IQGAP1: variants seen among roughly 807,000 people sequenced by gnomAD.
The protein encoded by IQGAP1 is ras GTPase-activating-like protein IQGAP1.
A neutral mutation model predicts 215.6 loss-of-function variants in IQGAP1; 66 were observed. The ratio of observed to expected loss-of-function variants is 0.31; its 90% CI spans 0.25 to 0.38. The LOEUF is 0.38. Ranked by LOEUF, IQGAP1 falls within the 10% of genes least tolerant of loss-of-function variation. IQGAP1 has a pLI of 1.00. For missense variants in IQGAP1, 1,712 were observed against 1,997.1 expected (o/e 0.86, Z 2.72); for synonymous variants, 772 against 728.7 (o/e 1.06, Z -0.96).
At chr15:90,464,021 A>G (rs1212316936) in intron 15 of IQGAP1, among the ~76,000 whole-genome samples, 1 of 152,174 alleles carries the variant, frequency 6.6e-6, no homozygotes, top group African/African-American at 2.4e-5. Flanking sequence ...CTTTGCCTCA[A>G]AGCTCAGACC....
Position 90,407,726 on chromosome 15 carries a change from C to G in IQGAP1, c.155+16853C>G, listed in dbSNP as rs1359522394. The stretch of plus-strand genomic sequence containing the variant: ...GATACTATTCCATTGCTCATTTTTT[C>G]TAACATGGCTAAGAAGTTGGGAAAA... On this transcript the variant is annotated intron_variant, in intron 2 of 37. Coordinates refer to ENST00000268182, the MANE Select transcript of IQGAP1 (RefSeq NM_003870.4). 2.0e-5 allele frequency among the ~76,000 whole-genome samples: 3 copies of G among 152,012 alleles called. No individual in the cohort carries two copies. The East Asian group carries it at 5.8e-4, about 29-fold the overall frequency.
At chr15:90,443,354 A>C in intron 8 of IQGAP1, 40 bp from the exon 9 acceptor site, 2 of 1,319,098 alleles carry the variant, frequency 1.5e-6, no homozygotes, top group Non-Finnish European at 2.2e-6. Context: ...CTTCTTAGAC[A>C]CCTTAAGCTA....
rs534006601 is a variant in IQGAP1 at position 90,443,696 on chromosome 15, C to T, written c.913+218C>T. Among the ~76,000 whole-genome samples, 15 of 152,296 alleles carry T rather than the reference C, an allele frequency of 9.8e-5. No homozygotes were observed. The South Asian group carries it at 2.7e-3, about 27-fold the overall frequency. ...CTTGTTCCTACACTGACAGTAGCAT[C>T]ATAGTAGTCTGTTTGGCTACAGTTT... On this transcript the variant is annotated intron_variant, in intron 9 of 37. Transcript: ENST00000268182.
chr15:90,486,583 G>A (rs183719412), intron 31 of IQGAP1: 3 of 177,254 alleles, frequency 1.7e-5, no homozygotes. Flanking sequence ...TAATAGAGAT[G>A]GAGTCTCACT....
chr15:90,470,164 A>G (rs1965886178), intron 18 of IQGAP1, among the ~76,000 whole-genome samples: 1 of 152,194 alleles, frequency 6.6e-6, no homozygotes. Context: ...CCTGCCAACA[A>G]TAGTGGCGAT....
chr15:90,437,500 A>G lies in IQGAP1; in HGVS notation c.468-1832A>G, dbSNP rs1965386509. Among the ~76,000 whole-genome samples, 3 of 152,240 alleles carry G rather than the reference A, an allele frequency of 2.0e-5. No homozygotes were observed. The South Asian group carries it at 6.2e-4, about 32-fold the overall frequency. On this transcript the variant is annotated intron_variant, in intron 5 of 37. Coordinates refer to ENST00000268182, the MANE Select transcript of IQGAP1 (RefSeq NM_003870.4). Reference sequence around the variant, plus strand: ...AGAAAAATATATAAAAAATATATAAAAATGTATAAAAATATATAGAAAGTT... The same window carrying G: ...AGAAAAATATATAAAAAATATATAAGAATGTATAAAAATATATAGAAAGTT...
In IQGAP1 at chr15:90,500,703, G is replaced by A. The variant is rs567746046; in HGVS notation, c.*595G>A. ...ATGGAAGTGACAGTCATGTTCAAAG[G>A]AAGCATTTCTAGAAAAAAGGAGATA... On this transcript the variant is annotated 3_prime_UTR_variant, in exon 38 of 38. Coordinates refer to ENST00000268182, the MANE Select transcript of IQGAP1 (RefSeq NM_003870.4). The A allele has an allele frequency of 1.3e-5, 2 of 152,312 alleles. No individual in the cohort carries two copies. Among genetic ancestry groups the A allele is most frequent in the African/African-American group, 4.8e-5 (2 of 41,576 alleles). The allele number at this position is 152,312 out of a possible 1,614,324, so 9.4% of individuals were successfully genotyped here.
At chr15:90,475,753 CAAAAAAAAAAA>C (rs746640708) in intron 23 of IQGAP1, 1 of 69,728 alleles carries the variant, frequency 1.4e-5, no homozygotes, top group African/African-American at 4.4e-5. Flanking sequence ...ACTCTATCTC[CAAAAAAAAAAA>C]AAAAAAAAAA....
intron 15 of IQGAP1, among the ~76,000 whole-genome samples, chr15:90,457,000 A>G (rs1322623630): frequency 6.7e-6 from 1 of 150,108 alleles, no homozygotes; most frequent in Non-Finnish European, 1.5e-5. Flanking sequence ...ATATATATAT[A>G]TGATCCAGAA....
At chr15:90,490,450 C>T (rs1360819732) in intron 33 of IQGAP1, among the ~76,000 whole-genome samples, 1 of 150,956 alleles carries the variant, frequency 6.6e-6, no homozygotes. Flanking sequence ...AGACAATGGA[C>T]GGTGACTATG....
intron 2 of IQGAP1, among the ~76,000 whole-genome samples, chr15:90,413,441 G>A (rs1014686906): frequency 3.9e-5 from 6 of 152,152 alleles, no homozygotes; most frequent in African/African-American, 9.7e-5. Context: ...CTGAGCTCGC[G>A]GTGGATTTTT....
At chr15:90,497,887 C>G (rs941325254) in intron 37 of IQGAP1, among the ~76,000 whole-genome samples, 28 of 152,240 alleles carry the variant, frequency 1.8e-4, no homozygotes, top group African/African-American at 6.0e-4. Context: ...GAGAGGATTC[C>G]TAGGTGACAT....
At chr15:90,478,905 A>C (rs896936139) in intron 26 of IQGAP1, among the ~76,000 whole-genome samples, 1 of 152,248 alleles carries the variant, frequency 6.6e-6, no homozygotes, top group African/African-American at 2.4e-5. Context: ...AGCTAGGGCC[A>C]TAGCGTAACC....
intron 2 of IQGAP1, among the ~76,000 whole-genome samples, chr15:90,412,764 G>A (rs1201457762): frequency 6.6e-6 from 1 of 152,176 alleles, no homozygotes; most frequent in Non-Finnish European, 1.5e-5. Flanking sequence ...GAGGTTTTTA[G>A]CATAGAGTAA....
intron 17 of IQGAP1, 114 bp from the exon 18 acceptor site, chr15:90,467,336 T>G: frequency 9.7e-7 from 1 of 1,030,050 alleles, no homozygotes; most frequent in Non-Finnish European, 1.4e-6. Flanking sequence ...AGGAGCAGCT[T>G]TTGGAGTGGT....
At position 90,492,082 on chromosome 15, in the gene IQGAP1, A is replaced by G. The variant is rs551089704; in HGVS notation, c.4462-463A>G. The stretch of plus-strand genomic sequence containing the variant: ...AAATGTGTAAGTCTAAATGTAACAC[A>G]TTTCCCTGCTAGAAGATACAAATGG... On this transcript the variant is annotated intron_variant, in intron 34 of 37. Transcript: ENST00000268182. Among the ~76,000 whole-genome samples, 8 of 152,322 alleles carry G rather than the reference A, an allele frequency of 5.3e-5. No individual in the cohort carries two copies. The South Asian group carries it at 1.4e-3, about 28-fold the overall frequency.
At chr15:90,487,958 C>T (rs1395920508) in intron 33 of IQGAP1, among the ~76,000 whole-genome samples, 2 of 152,176 alleles carry the variant, frequency 1.3e-5, no homozygotes, top group East Asian at 3.9e-4. Flanking sequence ...CATGGTGGCT[C>T]ATGCCTGTAA....
intron 18 of IQGAP1, among the ~76,000 whole-genome samples, chr15:90,468,312 G>A (rs1030153404): frequency 1.2e-4 from 18 of 151,972 alleles, no homozygotes; most frequent in African/African-American, 3.1e-4. Flanking sequence ...TGGTCCACCC[G>A]CCTCAGCCTC....
At chr15:90,472,116 T>A (rs1003031088) in intron 18 of IQGAP1, among the ~76,000 whole-genome samples, 28 of 152,158 alleles carry the variant, frequency 1.8e-4, no homozygotes, top group Non-Finnish European at 3.5e-4. Flanking sequence ...AAATATTTTT[T>A]AAAAAATTAA....
Sources: allele counts gnomAD v4.1 joint callset (sites outside exome capture counted in the v4.1 genomes callset), GRCh38; gene constraint gnomAD v4.1.1; transcripts MANE v1.5; gene names NCBI Gene and HGNC (gene_info 2026-07-23, HGNC 2026-07-21).